Variants in ZSCAN23 observed in about 807,000 individuals in gnomAD.
ZSCAN23 encodes zinc finger and SCAN domain containing 23, also known as zinc finger and SCAN domain-containing protein 23.
In ZSCAN23, 19 loss-of-function variants were observed where a neutral mutation model predicts 19.3. The observed-to-expected ratio is 0.99, with a 90% confidence interval of 0.69 to 1.45. The LOEUF (loss-of-function observed/expected upper bound fraction) is 1.45. Ranked by LOEUF, ZSCAN23 falls within the 40% of genes most tolerant of loss-of-function variation. The probability of loss-of-function intolerance (pLI) is 0.00; values close to 1 mark genes in which losing one functional copy is unlikely to be tolerated. For synonymous variants in ZSCAN23, 140 were observed against 166.2 expected (o/e 0.84, Z 1.21); for missense variants, 372 against 462.5 (o/e 0.80, Z 1.79).
Position 28,434,785 on chromosome 6 carries a change from G to T in ZSCAN23, c.850C>A (p.Arg284=). ...AGGCCTGACCTCTGGCTGAAGGCCC[G>T]CCCACACTCATCACATTCATAAGGC... ...EKPYECDECG[R]AFSQRSGLFQ... The change falls in exon 4 of 4, where the codon CGG becomes AGG. Residue 284 remains arginine, a synonymous_variant. Transcript: ENST00000289788. 1 of 1,601,338 alleles carries T rather than the reference G, an allele frequency of 6.2e-7. No homozygotes were observed. Among genetic ancestry groups the T allele is most frequent in the Non-Finnish European group, 8.5e-7 (1 of 1,173,692 alleles).
In ZSCAN23 at chr6:28,434,693, G is replaced by T; in HGVS notation, c.942C>A (p.Phe314Leu). The part of the protein sequence containing the change: ...RYQCSVCGKA[F>L]SQNAGLFHHL... ...GATGGAAAAGCCCGGCATTCTGGCT[G>T]AAGGCTTTGCCACAAACACTGCACT... The change falls in exon 4 of 4, where the codon TTC (phenylalanine) becomes TTA (leucine). Residue 314 changes from phenylalanine (F) to leucine (L), a missense_variant. Coordinates refer to ENST00000289788, the MANE Select transcript of ZSCAN23 (RefSeq NM_001012455.2). 1 of 1,584,890 alleles carries T rather than the reference G, an allele frequency of 6.3e-7. No individual in the cohort carries two copies. The highest frequency in any genetic ancestry group is 2.3e-5 in the East Asian group (1 of 43,240).
rs200319383 is a variant in ZSCAN23, at chr6:28,436,043, T to A, written c.224A>T (p.Gln75Leu). The A allele has an allele frequency of 5.3e-5, 85 of 1,614,088 alleles. No homozygotes were observed. Among genetic ancestry groups the A allele is most frequent in the Non-Finnish European group, 6.6e-5 (78 of 1,180,036 alleles). ...GGTGTGCATCTCTGGTCTCAGCCAC[T>A]GATGGCAGAGCTCCTGGAGTCTTTG... ...ALQRLQELCH[Q>L]WLRPEMHTKE... The change falls in exon 2 of 4, where the codon CAG (glutamine) becomes CTG (leucine). Residue 75 changes from glutamine to leucine, a missense_variant. Coordinates refer to ENST00000289788, the MANE Select transcript of ZSCAN23 (RefSeq NM_001012455.2).
At chr6:28,441,195 T>C (rs1761993354) in intron 1 of ZSCAN23, among the ~76,000 whole-genome samples, 1 of 152,214 alleles carries the variant, frequency 6.6e-6, no homozygotes, top group Non-Finnish European at 1.5e-5. Flanking sequence ...CAGCATGTAA[T>C]ACAAATGTGC....
chr6:28,436,174 C>T lies in ZSCAN23; in HGVS notation c.93G>A (p.Gly31=). 6.4e-7 allele frequency: 1 copy of T among 1,563,152 alleles called. No homozygotes were observed. Among genetic ancestry groups the T allele is most frequent in the East Asian group, 2.4e-5 (1 of 41,692 alleles). Residue 31 remains glycine, a synonymous_variant, in exon 2 of 4, where the codon GGG becomes GGA. Coordinates refer to ENST00000289788, the MANE Select transcript of ZSCAN23 (RefSeq NM_001012455.2). Reference sequence around the variant, plus strand: ...TATTTCTTGACAGGCCTGATTCTGGCCCACAGGAATGTTCCTCCTCTTCCT... The same window carrying T: ...TATTTCTTGACAGGCCTGATTCTGGTCCACAGGAATGTTCCTCCTCTTCCT... ...VKEEEEEHSC[G]PESGLSRNNP...
rs188810243 is a variant in ZSCAN23, at chr6:28,440,673, G to A, written c.-78+2726C>T. Among the ~76,000 whole-genome samples the A allele has an allele frequency of 1.1e-3, 171 of 152,210 alleles. 1 individual carries two copies. Among genetic ancestry groups the A allele is most frequent in the Middle Eastern group, 6.8e-3 (2 of 294 alleles). On this transcript the variant is annotated intron_variant, in intron 1 of 3. Transcript: ENST00000289788. Reference sequence around the variant, plus strand: ...CTTTTTCTTATTTACCACCTGTGCCGCTTGGTTTCAAGTCAAAGTTTTTCT... The same window carrying A: ...CTTTTTCTTATTTACCACCTGTGCCACTTGGTTTCAAGTCAAAGTTTTTCT...
At position 28,436,147 on chromosome 6, in the gene ZSCAN23, G is replaced by T. The variant is rs1183562194; in HGVS notation, c.120C>A (p.Asn40Lys). The T allele has an allele frequency of 6.3e-7, 1 of 1,590,408 alleles. No homozygotes were observed. The highest frequency in any genetic ancestry group is 8.6e-7 in the Non-Finnish European group (1 of 1,167,916). The change falls in exon 2 of 4, where the codon AAC becomes AAA. Residue 40 changes from asparagine (N) to lysine (K), a missense_variant. Transcript: ENST00000289788. ...TACGAAAGATCTCTCTGGTATGAGG[G>T]TTATTTCTTGACAGGCCTGATTCTG... ...CGPESGLSRN[N>K]PHTREIFRRR... is the part of the protein sequence containing the mutation.
At chr6:28,440,979 G>C (rs953593782) in intron 1 of ZSCAN23, among the ~76,000 whole-genome samples, 1 of 152,096 alleles carries the variant, frequency 6.6e-6, no homozygotes, top group Admixed American at 6.5e-5. Context: ...CACAAACATA[G>C]AGTTCCTAAT....
At chr6:28,430,065 C>A (rs1581800096), downstream of ZSCAN23, among the ~76,000 whole-genome samples, 1 of 152,202 alleles carries the variant, frequency 6.6e-6, no homozygotes, top group African/African-American at 2.4e-5. Flanking sequence ...GGGGTCGTAA[C>A]CTCTTGTGTC....
In ZSCAN23 at chr6:28,436,326, TTCTG is replaced by T; in HGVS notation, c.-64_-61del. 2.9e-6 allele frequency: 4 copies of T among 1,402,958 alleles called. No individual in the cohort carries two copies. The highest frequency in any genetic ancestry group is 3.2e-5 in the South Asian group (2 of 61,866). The allele number at this position is 1,402,958 out of a possible 1,614,324, so 86.9% of individuals were successfully genotyped here. A position where few individuals can be genotyped will look rare whatever the true frequency, so the allele number is the denominator to read the frequency against. ...TTGATAATTCTCCCTTGATCTTTTC[TTCTG>T]GAAACCCCGAGATCTAGACAATAAT... On this transcript the variant is annotated 5_prime_UTR_variant, in exon 2 of 4. The change abolishes the stop of an existing upstream ORF in the 5' untranslated region. Transcript: ENST00000289788.
rs1407925382 is a variant in ZSCAN23, at chr6:28,435,310, G to A, written c.556+150C>T. On this transcript the variant is annotated intron_variant, in intron 3 of 3. Coordinates refer to ENST00000289788, the MANE Select transcript of ZSCAN23 (RefSeq NM_001012455.2). ...CCTCTCCCACTAGACTGTAAACTTC[G>A]TGAGAGTGGGGACCACATCTGCCTT... 1.1e-5 allele frequency: 13 copies of A among 1,171,606 alleles called. No homozygotes were observed. In the South Asian group the frequency reaches 1.1e-4, roughly 10 times the overall value. The allele number at this position is 1,171,606 out of a possible 1,614,324, so 72.6% of individuals were successfully genotyped here.
At chr6:28,432,324 C>T (rs947919504), downstream of ZSCAN23, among the ~76,000 whole-genome samples, 3 of 152,080 alleles carry the variant, frequency 2.0e-5, no homozygotes, top group African/African-American at 7.2e-5. Context: ...TAACTTCACT[C>T]AAAAATCTGT....
intron 1 of ZSCAN23, among the ~76,000 whole-genome samples, chr6:28,440,793 C>T (rs1581808790): frequency 6.6e-6 from 1 of 152,136 alleles, no homozygotes; most frequent in Non-Finnish European, 1.5e-5. Flanking sequence ...TTCCCAAATA[C>T]AAATTTCCCT....
chr6:28,439,183 G>A (rs983313470), intron 1 of ZSCAN23, among the ~76,000 whole-genome samples: 23 of 151,720 alleles, frequency 1.5e-4, no homozygotes, highest in African/African-American at 5.1e-4. Context: ...CTGCTTCCCA[G>A]GTTCAAATGA....
chr6:28,428,552 C>T (rs1317768466), downstream of ZSCAN23, among the ~76,000 whole-genome samples: 1 of 152,128 alleles, frequency 6.6e-6, no homozygotes, highest in Non-Finnish European at 1.5e-5. Context: ...CCACTTGGTG[C>T]CCTCTTTATT....
chr6:28,434,517 T>A lies in ZSCAN23; in HGVS notation c.1118A>T (p.His373Leu). The A allele has an allele frequency of 6.4e-7, 1 of 1,552,022 alleles. No individual in the cohort carries two copies. The highest frequency in any genetic ancestry group is 8.7e-7 in the Non-Finnish European group (1 of 1,146,992). ...CEECGKNFIY[H>L]CNLIQHRKVH... ...TTTCCGATGCTGGATTAGGTTGCAA[T>A]GGTAAATGAAGTTCTTGCCACATTC... The change falls in exon 4 of 4, where the codon CAT (histidine) becomes CTT (leucine). Residue 373 changes from histidine to leucine, a missense_variant. By Grantham distance (99) the His-to-Leu change is moderately conservative (BLOSUM62 -3). Transcript: ENST00000289788.
At chr6:28,438,844 T>C (rs568753745) in intron 1 of ZSCAN23, among the ~76,000 whole-genome samples, 1 of 152,328 alleles carries the variant, frequency 6.6e-6, no homozygotes, top group South Asian at 2.1e-4. Flanking sequence ...ATCAGGTATT[T>C]AAATTACAAG....
chr6:28,435,564 T>C lies in ZSCAN23; in HGVS notation c.452A>G (p.Lys151Arg), dbSNP rs1375759770. The change falls in exon 3 of 4, where the codon AAG becomes AGG. Residue 151 changes from lysine to arginine, a missense_variant. Physicochemically the swap from Lys to Arg is conservative, Grantham distance 26 (BLOSUM62 2). Transcript: ENST00000289788. ...CTCCTGAGCTGCTCCTGGAGTTGCC[T>C]TCTCCTTTACAAACTCTTCCTGTTC... is the stretch of plus-strand genomic sequence containing the variant. ...AHEQEEFVKE[K>R]ATPGAAQESS... 1.3e-6 allele frequency: 2 copies of C among 1,551,592 alleles called. No individual in the cohort carries two copies. The highest frequency in any genetic ancestry group is 2.7e-5 in the African/African-American group (2 of 73,034).
chr6:28,430,256 G>A (rs1431801953), downstream of ZSCAN23, among the ~76,000 whole-genome samples: 1 of 152,048 alleles, frequency 6.6e-6, no homozygotes, highest in Admixed American at 6.6e-5. Flanking sequence ...GAGCACCTTA[G>A]AGCCCAACCA....
the ZSCAN23 span, among the ~76,000 whole-genome samples, chr6:28,422,221 G>A: frequency 6.6e-6 from 1 of 151,776 alleles, no homozygotes. This position sits in a 1 kb window ranked among gnomAD's most constrained non-coding sequence, Gnocchi z 4.0. Context: ...TTTTTTCATA[G>A]TACAGAGTGA....
Sources: allele counts gnomAD v4.1 joint callset (sites outside exome capture counted in the v4.1 genomes callset), GRCh38; gene constraint gnomAD v4.1.1; non-coding constraint Gnocchi (gnomAD v3.1); transcripts MANE v1.5; gene names NCBI Gene and HGNC (gene_info 2026-07-23, HGNC 2026-07-21).